The following STK33 variants were observed in gnomAD, a reference collection of about 807,000 sequenced individuals.
STK33 encodes serine/threonine kinase 33.
A neutral mutation model predicts 58.0 loss-of-function variants in STK33; 52 were observed. That is an observed-to-expected ratio of 0.90 (90% CI 0.72 to 1.13). The LOEUF (loss-of-function observed/expected upper bound fraction) is 1.13, where lower values mean the gene tolerates loss of function less well. Among genes scored for constraint, STK33 ranks in the 50% most tolerant of loss-of-function variants. STK33 has a pLI of 0.00. For synonymous variants in STK33, 215 were observed against 200.1 expected, an observed-to-expected ratio of 1.07 and a Z score of -0.63; for missense variants, 630 against 604.2, an observed-to-expected ratio of 1.04 and a Z score of -0.45.
intron 1 of STK33, among the ~76,000 whole-genome samples, chr11:8,503,351 C>A (rs138112548): frequency 1.1e-3 from 172 of 152,264 alleles, no homozygotes; most frequent in African/African-American, 3.3e-3. Flanking sequence ...TTATCCTAAG[C>A]AGACTAATGC....
chr11:8,455,810 CAA>C (rs1156835375), intron 9 of STK33, among the ~76,000 whole-genome samples: 8 of 47,134 alleles, frequency 1.7e-4, no homozygotes, highest in African/African-American at 4.8e-4. Context: ...GACTCTGTCT[CAA>C]AAAAAAAAAA....
intron 6 of STK33, chr11:8,467,232 T>C (rs956818852): frequency 5.3e-5 from 8 of 152,228 alleles, no homozygotes; most frequent in Admixed American, 1.3e-4. Flanking sequence ...GATTTTCTTT[T>C]CTATTGCATT....
intron 7 of STK33, among the ~76,000 whole-genome samples, chr11:8,464,446 C>T (rs1947926647): frequency 6.6e-6 from 1 of 152,176 alleles, no homozygotes; most frequent in African/African-American, 2.4e-5. Context: ...CTTCAGCAAA[C>T]TCTGGTAAAA....
chr11:8,442,709 A>G (rs916000431), intron 11 of STK33, among the ~76,000 whole-genome samples: 16 of 152,218 alleles, frequency 1.1e-4, no homozygotes, highest in Admixed American at 1.0e-3. Context: ...CCTTTTCCCA[A>G]ATAAGATAAA....
chr11:8,527,065 G>A (rs904413643), intron 1 of STK33, among the ~76,000 whole-genome samples: 6 of 151,492 alleles, frequency 4.0e-5, no homozygotes, highest in African/African-American at 1.5e-4. Context: ...TCCGCCTCCG[G>A]GGTTCATGCA....
At chr11:8,370,399 T>C in the STK33 span, among the ~76,000 whole-genome samples, 227 of 152,242 alleles carry the variant, frequency 1.5e-3, no homozygotes, top group African/African-American at 5.3e-3. Flanking sequence ...GGTCTCACTG[T>C]GTTGCCCAGG....
chr11:8,527,746 T>C (rs1183186087), intron 1 of STK33, among the ~76,000 whole-genome samples: 7 of 152,136 alleles, frequency 4.6e-5, no homozygotes, highest in Non-Finnish European at 1.0e-4. Context: ...GAAGAAACAG[T>C]AAAATCACAG....
Position 8,566,279 on chromosome 11 carries a change from C to G in STK33, c.-466+27804G>C, listed in dbSNP as rs113938301. 3.3e-5 allele frequency among the ~76,000 whole-genome samples: 5 copies of G among 152,286 alleles called. No individual in the cohort carries two copies. In the South Asian group the frequency reaches 1.0e-3, roughly 32 times the overall value. On this transcript the variant is annotated intron_variant, in intron 1 of 15. Coordinates refer to ENST00000687296, the MANE Select transcript of STK33 (RefSeq NM_001352389.2). Reference sequence around the variant, plus strand: ...TCTTAATTCAACTCCTTGTTATCTCCAAAACGTGAGAGTTGAGAAATAAAA... The same window carrying G: ...TCTTAATTCAACTCCTTGTTATCTCGAAAACGTGAGAGTTGAGAAATAAAA...
At chr11:8,449,251 A>C (rs868826206) in intron 11 of STK33, among the ~76,000 whole-genome samples, 1 of 151,594 alleles carries the variant, frequency 6.6e-6, no homozygotes, top group Non-Finnish European at 1.5e-5. Context: ...TAGAACTAGA[A>C]ATACCATTTG....
At chr11:8,497,630 C>G (rs1015932334) in intron 1 of STK33, among the ~76,000 whole-genome samples, 4 of 152,008 alleles carry the variant, frequency 2.6e-5, no homozygotes, top group Non-Finnish European at 5.9e-5. Flanking sequence ...GCCACCATGC[C>G]CAGCTAATTT....
intron 1 of STK33, among the ~76,000 whole-genome samples, chr11:8,586,292 C>T (rs951607509): frequency 6.6e-6 from 1 of 151,828 alleles, no homozygotes; most frequent in Non-Finnish European, 1.5e-5. Context: ...TGTAAAATGG[C>T]ATGCTAGCCT....
the STK33 span, among the ~76,000 whole-genome samples, chr11:8,382,140 C>T: frequency 1.3e-5 from 2 of 152,250 alleles, no homozygotes; most frequent in African/African-American, 2.4e-5. Context: ...GGTCAGTCCA[C>T]ATGAAGGGAC....
intron 1 of STK33, among the ~76,000 whole-genome samples, chr11:8,591,193 T>C (rs1283657871): frequency 1.3e-5 from 2 of 152,166 alleles, no homozygotes; most frequent in African/African-American, 4.8e-5. Context: ...TATAAGCTCT[T>C]TTCTGCTCCT....
intron 1 of STK33, among the ~76,000 whole-genome samples, chr11:8,553,506 C>G (rs967422111): frequency 6.6e-6 from 1 of 151,780 alleles, no homozygotes; most frequent in African/African-American, 2.4e-5. Context: ...CCACTGTATA[C>G]GTGATCCATC....
chr11:8,365,155 A>G, the STK33 span, among the ~76,000 whole-genome samples: 3 of 152,336 alleles, frequency 2.0e-5, no homozygotes, highest in African/African-American at 7.2e-5. Flanking sequence ...CAGAGAGTCA[A>G]ACCTCTGGGG....
the STK33 span, among the ~76,000 whole-genome samples, chr11:8,350,909 T>G: frequency 1.3e-5 from 2 of 152,040 alleles, no homozygotes; most frequent in Non-Finnish European, 2.9e-5. Context: ...CCAGCATACC[T>G]TGCTGCAGAA....
At chr11:8,346,029 C>T in the STK33 span, among the ~76,000 whole-genome samples, 1 of 152,186 alleles carries the variant, frequency 6.6e-6, no homozygotes. Context: ...CAGCCACATC[C>T]TGGCAGAAAA....
intron 11 of STK33, among the ~76,000 whole-genome samples, chr11:8,447,668 A>G (rs902659001): frequency 6.6e-6 from 1 of 152,230 alleles, no homozygotes; most frequent in African/African-American, 2.4e-5. Flanking sequence ...TGACAAACCC[A>G]CAGCCAATAT....
At chr11:8,535,780 T>C (rs1411646557) in intron 1 of STK33, among the ~76,000 whole-genome samples, 1 of 152,180 alleles carries the variant, frequency 6.6e-6, no homozygotes, top group African/African-American at 2.4e-5. Context: ...AAGGGATACT[T>C]GCACTCACAT....
Sources: gnomAD v4.1 joint callset for allele counts (sites outside exome capture counted in the v4.1 genomes callset) on GRCh38, gnomAD v4.1.1 for gene constraint, MANE v1.5 for transcripts, NCBI Gene and HGNC (gene_info 2026-07-23, HGNC 2026-07-21) for gene names.